PUDP: variants seen among roughly 807,000 people sequenced by gnomAD.
PUDP encodes the protein pseudouridine-5'-phosphatase.
PUDP carries 8 observed loss-of-function variants against 9.4 expected under a neutral mutation model. The ratio of observed to expected loss-of-function variants is 0.85; its 90% CI spans 0.50 to 1.53. PUDP has a LOEUF of 1.53. Ranked by LOEUF, PUDP falls within the 40% of genes most tolerant of loss-of-function variation. PUDP has a pLI of 0.00. For synonymous variants in PUDP, 99 were observed against 80.7 expected (o/e 1.23, Z -1.22); for missense variants, 188 against 189.7 (o/e 0.99, Z 0.05).
At chrX:6,789,266 G>A (rs1339048031) in intron 3 of PUDP, among the ~76,000 whole-genome samples, 3 of 103,401 alleles carry the variant, frequency 2.9e-5, no homozygotes, top group African/African-American at 1.1e-4. Flanking sequence ...CTCCAGCCTG[G>A]GCAACAGAGC....
At chrX:6,973,364 G>A (rs1054539351) in intron 3 of PUDP, among the ~76,000 whole-genome samples, 7 of 111,604 alleles carry the variant, frequency 6.3e-5, no homozygotes, top group Non-Finnish European at 9.4e-5. Context: ...AATTTCCCTC[G>A]AAACACTGCT....
intron 3 of PUDP, among the ~76,000 whole-genome samples, chrX:6,759,756 A>G (rs1171132519): frequency 9.0e-6 from 1 of 111,589 alleles, no homozygotes; most frequent in African/African-American, 3.3e-5. Flanking sequence ...GCTCTAGGAG[A>G]GATGAATATG....
chrX:6,755,970 G>C (rs1195729647), intron 3 of PUDP, among the ~76,000 whole-genome samples: 2 of 111,263 alleles, frequency 1.8e-5, no homozygotes, highest in African/African-American at 6.5e-5. Flanking sequence ...CTTTTTATGA[G>C]AAGAGATTAG....
intron 3 of PUDP, among the ~76,000 whole-genome samples, chrX:6,946,791 T>G (rs745831285): frequency 1.8e-5 from 2 of 112,207 alleles, no homozygotes; most frequent in Non-Finnish European, 3.8e-5. Context: ...CTACACTGAA[T>G]AAAGTATGGA....
intron 3 of PUDP, among the ~76,000 whole-genome samples, chrX:6,840,342 G>A (rs1926649167): frequency 1.8e-5 from 2 of 112,140 alleles, no homozygotes; most frequent in South Asian, 7.5e-4. Flanking sequence ...TCAGCAGCAT[G>A]AGAATGGACT....
At chrX:7,026,893 C>G (rs964081230) in intron 1 of PUDP, among the ~76,000 whole-genome samples, 2 of 111,558 alleles carry the variant, frequency 1.8e-5, no homozygotes, top group African/African-American at 6.5e-5. Context: ...GACAAGGAAA[C>G]CTGCGATTCT....
rs1284270700 is a variant in PUDP at position 6,980,206 on chromosome X, CTCTTT to C, written c.205-1868_205-1864del. 1.7e-3 allele frequency among the ~76,000 whole-genome samples: 140 copies of C among 83,056 alleles called. 1 individual carries two copies. Among genetic ancestry groups the C allele is most frequent in the African/African-American group, 6.1e-3 (135 of 22,000 alleles). The allele number at this position is 83,056 out of a possible 115,157, so 72.1% of individuals were successfully genotyped here. On this transcript the variant is annotated intron_variant and NMD_transcript_variant, in intron 1 of 3. Coordinates refer to the PUDP transcript ENST00000655425. The stretch of plus-strand genomic sequence containing the variant: ...TCTTCCTTCCTTCTTCTCTTCTCTT[CTCTTT>C]TCTTTTCTTTTCTCTGAGACAGGGT...
intron 1 of PUDP, among the ~76,000 whole-genome samples, chrX:7,111,245 G>GT (rs759731306): frequency 2.2e-3 from 250 of 111,243 alleles, no homozygotes; most frequent in Non-Finnish European, 3.9e-3. Context: ...AGAATACCCA[G>GT]TCTCAGGGAA....
intron 3 of PUDP, among the ~76,000 whole-genome samples, chrX:6,752,101 G>C (rs977331974): frequency 9.0e-6 from 1 of 111,005 alleles, no homozygotes; most frequent in Non-Finnish European, 1.9e-5. Flanking sequence ...TACACCCAGG[G>C]GACTATAAAT....
chrX:7,114,576 G>A (rs1310876805), intron 1 of PUDP, among the ~76,000 whole-genome samples: 1 of 111,630 alleles, frequency 9.0e-6, no homozygotes, highest in Non-Finnish European at 1.9e-5. Context: ...GTTTCAGAGA[G>A]AACAAACGTT....
chrX:6,948,688 T>C (rs1243373746), intron 3 of PUDP, among the ~76,000 whole-genome samples: 3 of 112,257 alleles, frequency 2.7e-5, no homozygotes, highest in Non-Finnish European at 5.6e-5. Context: ...ATGATCATTT[T>C]CCATAGTTTG....
intron 3 of PUDP, among the ~76,000 whole-genome samples, chrX:6,824,468 G>C (rs1211728875): frequency 9.0e-6 from 1 of 111,293 alleles, no homozygotes; most frequent in African/African-American, 3.3e-5. Flanking sequence ...CTAACCTCCT[G>C]AGAATGCAGT....
intron 1 of PUDP, among the ~76,000 whole-genome samples, chrX:7,026,419 AT>A (rs1453639041): frequency 8.9e-6 from 1 of 112,090 alleles, no homozygotes; most frequent in Non-Finnish European, 1.9e-5. Context: ...CCACTGATGG[AT>A]TGTTCAATTC....
At chrX:6,946,991 C>CTGTT (rs1293956894) in intron 3 of PUDP, among the ~76,000 whole-genome samples, 1 of 66,452 alleles carries the variant, frequency 1.5e-5, no homozygotes, top group East Asian at 5.5e-4. Context: ...GTTTGTTTTT[C>CTGTT]TGTTTGTTTG....
chrX:6,754,092 G>T (rs1197659973), intron 3 of PUDP, among the ~76,000 whole-genome samples: 1 of 111,839 alleles, frequency 8.9e-6, no homozygotes, highest in Non-Finnish European at 1.9e-5. Flanking sequence ...TTATATTCTA[G>T]AATTTTTATA....
chrX:7,142,481 A>G (rs1010204507), intron 1 of PUDP, among the ~76,000 whole-genome samples: 1 of 111,629 alleles, frequency 9.0e-6, no homozygotes, highest in African/African-American at 3.3e-5. Flanking sequence ...CTGAATAGAC[A>G]CTGCTTCTTA....
chrX:7,069,230 G>T (rs907903710), intron 3 of PUDP, among the ~76,000 whole-genome samples: 1 of 111,347 alleles, frequency 9.0e-6, no homozygotes, highest in Non-Finnish European at 1.9e-5. Flanking sequence ...AGTCAGGAGC[G>T]GCAGATGCCA....
intron 3 of PUDP, among the ~76,000 whole-genome samples, chrX:6,904,263 T>A (rs760539968): frequency 6.3e-5 from 7 of 110,744 alleles, no homozygotes; most frequent in Non-Finnish European, 1.3e-4. Flanking sequence ...TAAAATAATT[T>A]TTTTAATGTG....
intron 1 of PUDP, among the ~76,000 whole-genome samples, chrX:7,033,829 T>TTCAATTG (rs1436051742): frequency 2.4e-4 from 27 of 112,051 alleles, no homozygotes; most frequent in African/African-American, 8.8e-4. Flanking sequence ...ACCCCAGAGC[T>TTCAATTG]TCAATTGTCA....
Sources: allele counts gnomAD v4.1 joint callset (sites outside exome capture counted in the v4.1 genomes callset), GRCh38; gene constraint gnomAD v4.1.1; transcripts MANE v1.5; gene names NCBI Gene and HGNC (gene_info 2026-07-23, HGNC 2026-07-21).